The following FAM131A variants were observed in gnomAD, a reference collection of about 807,000 sequenced individuals.
The protein encoded by FAM131A is family with sequence similarity 131 member A.
FAM131A carries 24 observed loss-of-function variants against 39.2 expected under a neutral mutation model. That is an observed-to-expected ratio of 0.61 (90% confidence interval 0.44 to 0.86). The LOEUF is 0.86. Among genes scored for constraint, FAM131A ranks in the 40% least tolerant of loss-of-function variants. The pLI is 0.00. For synonymous variants in FAM131A, 202 were observed against 206.8 expected (o/e 0.98, Z 0.20); for missense variants, 373 against 481.2 (o/e 0.78, Z 2.10).
Position 184,344,489 on chromosome 3 carries a change from T to C in FAM131A, c.626-6T>C. The C allele has an allele frequency of 6.6e-7, 1 of 1,518,902 alleles. No individual in the cohort carries two copies. Among genetic ancestry groups the C allele is most frequent in the Non-Finnish European group, 8.8e-7 (1 of 1,134,422 alleles). The allele number at this position is 1,518,902 out of a possible 1,614,324, so 94.1% of individuals were successfully genotyped here. ...AGGACTGTCTTCTTTTCTCTTCTCC[T>C]CACAGACATGGCTGGGCAGCTGCCC... On this transcript the variant is annotated splice_region_variant and splice_polypyrimidine_tract_variant and intron_variant, in intron 5 of 5. Transcript: ENST00000383847.
chr3:184,340,920 G>C (rs1727342697), intron 2 of FAM131A: 1 of 152,350 alleles, frequency 6.6e-6, no homozygotes, highest in South Asian at 2.1e-4. Context: ...GGAAGAATGA[G>C]AAAGAGCTAG....
In FAM131A at chr3:184,345,076, G is replaced by GA; in HGVS notation, c.*107dup. On this transcript the variant is annotated 3_prime_UTR_variant, in exon 6 of 6. Transcript: ENST00000383847. ...GCTCCCAGCAGAGCTCCACAGCCTA[G>GA]AGGGCTCCTGGGAGCGCTCGCTTCT... is the stretch of plus-strand genomic sequence containing the variant. 1 of 1,122,682 alleles carries GA rather than the reference G, an allele frequency of 8.9e-7. No individual in the cohort carries two copies. The highest frequency in any genetic ancestry group is 2.6e-5 in the East Asian group (1 of 38,212). 69.5% of individuals were successfully genotyped at this position (1,122,682 alleles called of 1,614,324 possible).
At position 184,345,291 on chromosome 3, in the gene FAM131A, A is replaced by T. The variant is rs1398299603; in HGVS notation, c.*321A>T. 1 of 554,812 alleles carries T rather than the reference A, an allele frequency of 1.8e-6. No homozygotes were observed. The highest frequency in any genetic ancestry group is 1.9e-5 in the African/African-American group (1 of 51,444). The allele number at this position is 554,812 out of a possible 1,614,324, so 34.4% of individuals were successfully genotyped here. A position where few individuals can be genotyped will look rare whatever the true frequency, so the allele number is the denominator to read the frequency against. On this transcript the variant is annotated 3_prime_UTR_variant, in exon 6 of 6. Coordinates refer to ENST00000383847, the MANE Select transcript of FAM131A (RefSeq NM_144635.5). ...ACACATTTCCTCCTCGGATAATGTG[A>T]ACCACTAAGGGGGTTGTGACTGGGC... is the stretch of plus-strand genomic sequence containing the variant.
At position 184,342,302 on chromosome 3, in the gene FAM131A, CTTTAT is replaced by C. The variant is rs1727420792; in HGVS notation, c.508+62_508+66del. On this transcript the variant is annotated intron_variant, in intron 4 of 5. Transcript: ENST00000383847. The surrounding 1 kb of genome is among the most constrained non-coding windows in gnomAD (Gnocchi z 4.6). ...CTCTTGGCACAGGGCTGCTTTCTTT[CTTTAT>C]TTTATTTAATTTTTTTTTGAGACGG... 12 of 1,503,582 alleles carry C rather than the reference CTTTAT, an allele frequency of 8.0e-6. No homozygotes were observed. Among genetic ancestry groups the C allele is most frequent in the South Asian group, 2.7e-5 (2 of 73,382 alleles). 93.1% of individuals were successfully genotyped at this position (1,503,582 alleles called of 1,614,324 possible).
At chr3:184,341,503 T>C in intron 2 of FAM131A, 1 of 586,426 alleles carries the variant, frequency 1.7e-6, no homozygotes, top group South Asian at 2.0e-5. Flanking sequence ...AGCTGAAGTT[T>C]TGCTTCTCGG....
At chr3:184,343,873 A>G (rs879606756) in intron 5 of FAM131A, among the ~76,000 whole-genome samples, 21 of 152,270 alleles carry the variant, frequency 1.4e-4, no homozygotes, top group Non-Finnish European at 7.3e-5. Flanking sequence ...CTTGGTGAGC[A>G]GAGTATGGGT....
Position 184,346,006 on chromosome 3 carries a change from C to A in FAM131A, c.*1036C>A. ...CAAGGCTACAGTACAGGGCCCCACC[C>A]CAGCCAGGGTGTTAATGCCCACGTA... On this transcript the variant is annotated 3_prime_UTR_variant, in exon 6 of 6. Coordinates refer to ENST00000383847, the MANE Select transcript of FAM131A (RefSeq NM_144635.5). The surrounding 1 kb of genome is among the most constrained non-coding windows in gnomAD (Gnocchi z 6.0). The A allele has an allele frequency of 5.2e-6, 1 of 191,530 alleles. No homozygotes were observed. 11.9% of individuals were successfully genotyped at this position (191,530 alleles called of 1,614,324 possible). A position where few individuals can be genotyped will look rare whatever the true frequency, so the allele number is the denominator to read the frequency against.
Position 184,345,171 on chromosome 3 carries a change from C to T in FAM131A, c.*201C>T. 3.2e-6 allele frequency: 2 copies of T among 618,198 alleles called. No homozygotes were observed. Among genetic ancestry groups the T allele is most frequent in the Non-Finnish European group, 5.5e-6 (2 of 364,104 alleles). The allele number at this position is 618,198 out of a possible 1,614,324, so 38.3% of individuals were successfully genotyped here. On this transcript the variant is annotated 3_prime_UTR_variant, in exon 6 of 6. Transcript: ENST00000383847. ...CTGGGCTGGGGGCGCATGTCCTGCCCCCACTCCCGGGGCTTGCCGGGGGTT... is the reference window on the plus strand; with the variant it reads ...CTGGGCTGGGGGCGCATGTCCTGCCTCCACTCCCGGGGCTTGCCGGGGGTT...
rs988957272 is a variant in FAM131A, at chr3:184,345,104, G to A, written c.*134G>A. 23 of 857,680 alleles carry A rather than the reference G, an allele frequency of 2.7e-5. No homozygotes were observed. The highest frequency in any genetic ancestry group is 3.5e-5 in the Non-Finnish European group (20 of 576,650). The allele number at this position is 857,680 out of a possible 1,614,324, so 53.1% of individuals were successfully genotyped here. ...GGCTCCTGGGAGCGCTCGCTTCTCC[G>A]TTGTGTGTTTTGCATGAAAGTGTTT... On this transcript the variant is annotated 3_prime_UTR_variant, in exon 6 of 6. Transcript: ENST00000383847.
chr3:184,341,486 G>A, intron 2 of FAM131A: 1 of 576,224 alleles, frequency 1.7e-6, no homozygotes, highest in South Asian at 2.0e-5. Context: ...TGGGAAAGTG[G>A]AGGATTAGCT....
Position 184,345,365 on chromosome 3 carries a change from A to G in FAM131A, c.*395A>G. ...GGCCCAGCAACCCCCCACCCTCCCC[A>G]TGCCTCTCTCTTCTCTGCTTTTCTT... is the stretch of plus-strand genomic sequence containing the variant. On this transcript the variant is annotated 3_prime_UTR_variant, in exon 6 of 6. Coordinates refer to ENST00000383847, the MANE Select transcript of FAM131A (RefSeq NM_144635.5). 1 of 604,438 alleles carries G rather than the reference A, an allele frequency of 1.7e-6. No homozygotes were observed. The highest frequency in any genetic ancestry group is 2.0e-5 in the South Asian group (1 of 50,368). 37.4% of individuals were successfully genotyped at this position (604,438 alleles called of 1,614,324 possible).
At chr3:184,343,649 G>C (rs1321134501) in intron 5 of FAM131A, among the ~76,000 whole-genome samples, 1 of 152,246 alleles carries the variant, frequency 6.6e-6, no homozygotes, top group African/African-American at 2.4e-5. Context: ...GGTCTGGAGG[G>C]CTGATTTGGT....
chr3:184,342,606 AG>A lies in FAM131A; in HGVS notation c.509-135del. 2.6e-6 allele frequency: 2 copies of A among 761,066 alleles called. No individual in the cohort carries two copies. Among genetic ancestry groups the A allele is most frequent in the South Asian group, 3.6e-5 (2 of 56,210 alleles). 47.1% of individuals were successfully genotyped at this position (761,066 alleles called of 1,614,324 possible). ...CAGGCATAAGCCACCACACCCGGCC[AG>A]GGCTGCTTTCTTATCTCCTCGGGTC... On this transcript the variant is annotated intron_variant, in intron 4 of 5. Coordinates refer to ENST00000383847, the MANE Select transcript of FAM131A (RefSeq NM_144635.5). The surrounding 1 kb of genome is among the most constrained non-coding windows in gnomAD (Gnocchi z 4.6).
At position 184,342,841 on chromosome 3, in the gene FAM131A, T is replaced by C; in HGVS notation, c.606T>C (p.Phe202=). The change falls in exon 5 of 6, where the codon TTT becomes TTC. Residue 202 remains phenylalanine, a synonymous_variant. Coordinates refer to ENST00000383847, the MANE Select transcript of FAM131A (RefSeq NM_144635.5). This position sits in a 1 kb window ranked among gnomAD's most constrained non-coding sequence, Gnocchi z 4.6. ...CTGATGACTCCTATGATGAGGACTTTGCTGGGGGAATGGACACAGGTGAGG... is the reference window on the plus strand; with the variant it reads ...CTGATGACTCCTATGATGAGGACTTCGCTGGGGGAATGGACACAGGTGAGG... ...DSTDDSYDED[F]AGGMDTDMAG... 1 of 1,613,100 alleles carries C rather than the reference T, an allele frequency of 6.2e-7. No individual in the cohort carries two copies. Among genetic ancestry groups the C allele is most frequent in the Non-Finnish European group, 8.5e-7 (1 of 1,179,162 alleles).
At chr3:184,338,012 A>G (rs903221753) in intron 1 of FAM131A, among the ~76,000 whole-genome samples, 1 of 152,172 alleles carries the variant, frequency 6.6e-6, no homozygotes, top group Admixed American at 6.5e-5. Flanking sequence ...CCCTCCTGCA[A>G]AGGGTCCAGG....
chr3:184,338,688 G>GCTCTGCTCGGCT, intron 2 of FAM131A, 159 bp downstream of exon 2: 1 of 876,838 alleles, frequency 1.1e-6, no homozygotes, highest in Non-Finnish European at 1.7e-6. Flanking sequence ...GTGCCGGTCT[G>GCTCTGCTCGGCT]CTCTGCTCGG....
Position 184,344,687 on chromosome 3 carries a change from C to G in FAM131A, c.818C>G (p.Ser273Cys). ...TTGGGCTCCCCGGCCCGGCTGGCCT[C>G]CCAGCTGCTGGGCGATGAGCTGCTT... ...GLLGSPARLA[S>C]QLLGDELLLA... The change falls in exon 6 of 6, where the codon TCC (serine) becomes TGC (cysteine). Residue 273 changes from serine (S) to cysteine (C), a missense_variant. Transcript: ENST00000383847. The G allele has an allele frequency of 1.2e-6, 2 of 1,612,520 alleles. No homozygotes were observed. The highest frequency in any genetic ancestry group is 2.2e-5 in the East Asian group (1 of 44,878).
chr3:184,338,748 CATCCCGGGCCGT>C (rs1727240756), intron 2 of FAM131A: 1 of 529,316 alleles, frequency 1.9e-6, no homozygotes, highest in African/African-American at 2.0e-5. Flanking sequence ...GACGTCAGCG[CATCCCGGGCCGT>C]ATCCCGGGAG....
rs768137101 is a variant in FAM131A, at chr3:184,344,810, G to T, written c.941G>T (p.Cys314Phe). ...SLYNSPLTES[C>F]LSPAEEEPAP... ...TACAACTCGCCCCTCACAGAGTCCTGCCTTTCCCCCGCGGAGGAGGAGCCA... is the reference window on the plus strand; with the variant it reads ...TACAACTCGCCCCTCACAGAGTCCTTCCTTTCCCCCGCGGAGGAGGAGCCA... The change falls in exon 6 of 6, where the codon TGC becomes TTC. Residue 314 changes from cysteine (C) to phenylalanine (F), a missense_variant. Physicochemically the swap from Cys to Phe is radical, Grantham distance 205 (BLOSUM62 -2). Coordinates refer to ENST00000383847, the MANE Select transcript of FAM131A (RefSeq NM_144635.5). The T allele has an allele frequency of 6.2e-7, 1 of 1,612,212 alleles. No homozygotes were observed. The highest frequency in any genetic ancestry group is 8.5e-7 in the Non-Finnish European group (1 of 1,179,900).
Sources: allele counts gnomAD v4.1 joint callset (sites outside exome capture counted in the v4.1 genomes callset), GRCh38; gene constraint gnomAD v4.1.1; non-coding constraint Gnocchi (gnomAD v3.1); transcripts MANE v1.5; gene names NCBI Gene and HGNC (gene_info 2026-07-23, HGNC 2026-07-21).